PRR12: variants seen among roughly 807,000 people sequenced by gnomAD.
PRR12 encodes the protein proline-rich protein 12.
A neutral mutation model predicts 138.0 loss-of-function variants in PRR12; 12 were observed. The ratio of observed to expected loss-of-function variants is 0.09; its 90% CI spans 0.06 to 0.14. The LOEUF is 0.14. Ranked by LOEUF, PRR12 falls within the 10% of genes least tolerant of loss-of-function variation. The probability of loss-of-function intolerance (pLI) is 1.00; values close to 1 mark genes in which losing one functional copy is unlikely to be tolerated. For synonymous variants in PRR12, 1,567 were observed against 1,291.7 expected (o/e 1.21, Z -4.57); for missense variants, 2,692 against 2,861.3 (o/e 0.94, Z 1.35).
rs189469394 is a variant in PRR12 at position 49,616,036 on chromosome 19, G to C, written c.5314G>C (p.Ala1772Pro). 3 of 1,556,426 alleles carry C rather than the reference G, an allele frequency of 1.9e-6. No homozygotes were observed. In the Admixed American group the frequency reaches 5.8e-5, roughly 30 times the overall value. The part of the protein sequence containing the change: ...GRQTRPERSL[A>P]TGQPATSRLP... ...GCAGACACGGCCAGAGCGGAGTCTC[G>C]CCACGGGACAACCTGCCACATCCCG... The change falls in exon 9 of 14, where the codon GCC becomes CCC. Residue 1772 changes from alanine (A) to proline (P), a missense_variant. Ala to Pro is a conservative substitution (Grantham distance 27, BLOSUM62 -1). Around this residue, in one of 11 missense-constraint regions of PRR12, gnomAD observed 259 missense variants for 265.1 expected, o/e 0.98. Coordinates refer to ENST00000418929, the MANE Select transcript of PRR12 (RefSeq NM_020719.3). The surrounding 1 kb of genome is among the most constrained non-coding windows in gnomAD (Gnocchi z 4.2).
intron 6 of PRR12, among the ~76,000 whole-genome samples, chr19:49,607,241 C>T (rs2080843211): frequency 6.6e-6 from 1 of 152,070 alleles, no homozygotes; most frequent in African/African-American, 2.4e-5. Context: ...GTAATCCCAG[C>T]AGTTTGGGAT....
intron 6 of PRR12, among the ~76,000 whole-genome samples, chr19:49,608,335 C>G (rs1277191240): frequency 1.3e-5 from 2 of 151,278 alleles, no homozygotes; most frequent in Non-Finnish European, 2.9e-5. Context: ...ACACAAAATT[C>G]TTTTTTTTTA....
chr19:49,597,558 A>G lies in PRR12; in HGVS notation c.3223A>G (p.Thr1075Ala). Residue 1075 changes from threonine to alanine, a missense_variant, in exon 4 of 14, where the codon ACA becomes GCA. Physicochemically the swap from Thr to Ala is moderately conservative, Grantham distance 58. This residue lies in a region of PRR12 where 840 missense variants were observed against 689.8 expected (regional missense o/e 1.22). Transcript: ENST00000418929. This position sits in a 1 kb window ranked among gnomAD's most constrained non-coding sequence, Gnocchi z 6.3. ...TACCAAGCCAAAGAAGCTGCTCAAG[A>G]CATCCTCCTTCCACCTGCTGCGGCG... ...CSTKPKKLLK[T>A]SSFHLLRRRD... The G allele has an allele frequency of 6.3e-7, 1 of 1,592,492 alleles. No individual in the cohort carries two copies. Among genetic ancestry groups the G allele is most frequent in the South Asian group, 1.1e-5 (1 of 87,244 alleles).
chr19:49,597,607 C>G lies in PRR12; in HGVS notation c.3272C>G (p.Pro1091Arg). ...CGCCGCGACCCACCCTTCCAGACCC[C>G]CAAGAAGCTGTACGCCCAGGAGTAC... ...LRRRDPPFQT[P>R]KKLYAQEYEF... Residue 1091 changes from proline to arginine, a missense_variant, in exon 4 of 14, where the codon CCC (proline) becomes CGC (arginine). Physicochemically the swap from Pro to Arg is moderately radical, Grantham distance 103. Coordinates refer to ENST00000418929, the MANE Select transcript of PRR12 (RefSeq NM_020719.3). This position sits in a 1 kb window ranked among gnomAD's most constrained non-coding sequence, Gnocchi z 6.3. The G allele has an allele frequency of 1.9e-6, 3 of 1,610,032 alleles. No individual in the cohort carries two copies. The highest frequency in any genetic ancestry group is 2.5e-6 in the Non-Finnish European group (3 of 1,178,898).
At chr19:49,604,319 A>G (rs2080827422) in intron 6 of PRR12, among the ~76,000 whole-genome samples, 3 of 151,556 alleles carry the variant, frequency 2.0e-5, no homozygotes, top group African/African-American at 7.3e-5. Flanking sequence ...CTAGGCAAAT[A>G]GCAAGACCTC....
At chr19:49,607,276 C>A (rs2080843385) in intron 6 of PRR12, among the ~76,000 whole-genome samples, 1 of 152,068 alleles carries the variant, frequency 6.6e-6, no homozygotes, top group South Asian at 2.1e-4. Context: ...ATCACTTGAG[C>A]CCGGATGTCG....
intron 6 of PRR12, among the ~76,000 whole-genome samples, chr19:49,612,281 A>G (rs537719097): frequency 1.3e-5 from 2 of 151,908 alleles, no homozygotes; most frequent in South Asian, 2.1e-4. Flanking sequence ...CAAGTCTCCA[A>G]TCAGCTGTGG....
In PRR12 at chr19:49,599,255, G is replaced by A. The variant is rs567180023; in HGVS notation, c.3679-17G>A. The A allele has an allele frequency of 1.7e-5, 27 of 1,548,724 alleles. No homozygotes were observed. Among genetic ancestry groups the A allele is most frequent in the South Asian group, 6.1e-5 (5 of 82,550 alleles). On this transcript the variant is annotated splice_polypyrimidine_tract_variant and intron_variant, in intron 4 of 13. Coordinates refer to ENST00000418929, the MANE Select transcript of PRR12 (RefSeq NM_020719.3). This position sits in a 1 kb window ranked among gnomAD's most constrained non-coding sequence, Gnocchi z 5.0. ...CCAGGCTACTGGGCCCTCACGGCCC[G>A]CCACTCCCATGTCTAGATCAAGCTG...
rs774844798 is a variant in PRR12, at chr19:49,597,551, G to A, written c.3216G>A (p.Leu1072=). ...PIFCSTKPKK[L]LKTSSFHLLR... is the part of the protein sequence containing the mutation. ...TCTGCTCTACCAAGCCAAAGAAGCT[G>A]CTCAAGACATCCTCCTTCCACCTGC... The change falls in exon 4 of 14, where the codon CTG becomes CTA. Residue 1072 remains leucine, a synonymous_variant. Transcript: ENST00000418929. The surrounding 1 kb of genome is among the most constrained non-coding windows in gnomAD (Gnocchi z 6.3). 1.9e-6 allele frequency: 3 copies of A among 1,586,812 alleles called. No homozygotes were observed. The highest frequency in any genetic ancestry group is 2.6e-6 in the Non-Finnish European group (3 of 1,168,826).
At position 49,596,716 on chromosome 19, in the gene PRR12, T is replaced by C. The variant is rs779370431; in HGVS notation, c.2381T>C (p.Leu794Pro). Residue 794 changes from leucine to proline, a missense_variant, in exon 4 of 14, where the codon CTG becomes CCG. Leu to Pro is a moderately conservative substitution (Grantham distance 98, BLOSUM62 -3). Transcript: ENST00000418929. The surrounding 1 kb of genome is among the most constrained non-coding windows in gnomAD (Gnocchi z 5.6). ...GGGGGCCCTGACCTCCCACTGGTGCTGCCTCCGCCTCCCCCCCAGCTGCTC... is the reference window on the plus strand; with the variant it reads ...GGGGGCCCTGACCTCCCACTGGTGCCGCCTCCGCCTCCCCCCCAGCTGCTC... Reference protein sequence around the residue: ...EAGGPDLPLVLPPPPPQLLPS... With the variant: ...EAGGPDLPLVPPPPPPQLLPS... The C allele has an allele frequency of 1.9e-6, 3 of 1,605,582 alleles. No homozygotes were observed. The highest frequency in any genetic ancestry group is 2.5e-6 in the Non-Finnish European group (3 of 1,178,976).
intron 6 of PRR12, among the ~76,000 whole-genome samples, chr19:49,612,935 A>G (rs2080874078): frequency 6.6e-6 from 1 of 151,946 alleles, no homozygotes; most frequent in Non-Finnish European, 1.5e-5. Context: ...TGTTGGGATT[A>G]AAGGTGTGAG....
At chr19:49,600,338 C>G (rs1275283914) in intron 5 of PRR12, among the ~76,000 whole-genome samples, 2 of 146,784 alleles carry the variant, frequency 1.4e-5, no homozygotes, top group African/African-American at 2.5e-5. Flanking sequence ...TGGGGGTGGG[C>G]GGTGGAAGGG....
rs566765721 is a variant in PRR12, at chr19:49,605,292, C to T, written c.4773+3374C>T. Among the ~76,000 whole-genome samples, 14 of 152,114 alleles carry T rather than the reference C, an allele frequency of 9.2e-5. No homozygotes were observed. The East Asian group carries it at 2.7e-3, about 29-fold the overall frequency. ...TTTTTGTTTGTTTGAGATAGTGTTT[C>T]GCTCTTGTTGCCCAGGCTGGAGTAC... On this transcript the variant is annotated intron_variant, in intron 6 of 13. Coordinates refer to ENST00000418929, the MANE Select transcript of PRR12 (RefSeq NM_020719.3).
Position 49,595,922 on chromosome 19 carries a change from C to T in PRR12, c.1587C>T (p.Pro529=), listed in dbSNP as rs1386083093. Residue 529 remains proline (P), a synonymous_variant, in exon 4 of 14, where the codon CCC becomes CCT. Coordinates refer to ENST00000418929, the MANE Select transcript of PRR12 (RefSeq NM_020719.3). Reference sequence around the variant, plus strand: ...CCCAGGGGCTGCCCACAGCCAGCCCCTCGCTCAGCTACAGTACCGGCCATT... The same window carrying T: ...CCCAGGGGCTGCCCACAGCCAGCCCTTCGCTCAGCTACAGTACCGGCCATT... ...AHSQGLPTAS[P]SLSYSTGHSP... 1 of 1,602,028 alleles carries T rather than the reference C, an allele frequency of 6.2e-7. No individual in the cohort carries two copies. Among genetic ancestry groups the T allele is most frequent in the Non-Finnish European group, 8.5e-7 (1 of 1,179,652 alleles).
intron 8 of PRR12, among the ~76,000 whole-genome samples, 187 bp downstream of exon 8, chr19:49,615,196 A>G (rs1199159827): frequency 6.7e-6 from 1 of 149,902 alleles, no homozygotes; most frequent in African/African-American, 2.5e-5. Context: ...GGGGATAGAG[A>G]CCCAGAGACA....
chr19:49,597,596 C>T lies in PRR12; in HGVS notation c.3261C>T (p.Pro1087=). Residue 1087 remains proline, a synonymous_variant, in exon 4 of 14, where the codon CCC becomes CCT. Transcript: ENST00000418929. This position sits in a 1 kb window ranked among gnomAD's most constrained non-coding sequence, Gnocchi z 6.3. ...SFHLLRRRDP[P]FQTPKKLYAQ... ...ACCTGCTGCGGCGCCGCGACCCACC[C>T]TTCCAGACCCCCAAGAAGCTGTACG... 2.5e-6 allele frequency: 4 copies of T among 1,609,378 alleles called. No individual in the cohort carries two copies. The highest frequency in any genetic ancestry group is 3.4e-6 in the Non-Finnish European group (4 of 1,178,694).
intron 5 of PRR12, among the ~76,000 whole-genome samples, chr19:49,600,406 G>T (rs1412916760): frequency 6.6e-6 from 1 of 151,698 alleles, no homozygotes; most frequent in African/African-American, 2.4e-5. Context: ...ACAGTTTAAG[G>T]AGTGTAATGT....
chr19:49,614,823 C>T lies in PRR12; in HGVS notation c.4891-53C>T. 3.7e-6 allele frequency: 6 copies of T among 1,612,244 alleles called. No individual in the cohort carries two copies. In the South Asian group the frequency reaches 6.6e-5, roughly 18 times the overall value. On this transcript the variant is annotated intron_variant, in intron 7 of 13. Coordinates refer to ENST00000418929, the MANE Select transcript of PRR12 (RefSeq NM_020719.3). This position sits in a 1 kb window ranked among gnomAD's most constrained non-coding sequence, Gnocchi z 5.0. ...TGGCCCAGGGCACGGGGGTGTTGGC[C>T]ATCTGGCTGGGCAGTGTGAAGAATT... is the stretch of plus-strand genomic sequence containing the variant.
Position 49,597,737 on chromosome 19 carries a change from C to G in PRR12, c.3402C>G (p.Leu1134=). ...LVSSCRSRPA[L]SPLGDIDFCP... ...CCAGCTGCCGCTCCCGTCCGGCCCT[C>G]TCGCCACTGGGGGACATCGACTTCT... The change falls in exon 4 of 14, where the codon CTC becomes CTG. Residue 1134 remains leucine (L), a synonymous_variant. Coordinates refer to ENST00000418929, the MANE Select transcript of PRR12 (RefSeq NM_020719.3). This position sits in a 1 kb window ranked among gnomAD's most constrained non-coding sequence, Gnocchi z 6.3. 1 of 1,608,312 alleles carries G rather than the reference C, an allele frequency of 6.2e-7. No individual in the cohort carries two copies. Among genetic ancestry groups the G allele is most frequent in the Admixed American group, 1.7e-5 (1 of 59,604 alleles).
Sources: gnomAD v4.1 joint callset for allele counts (sites outside exome capture counted in the v4.1 genomes callset) on GRCh38, gnomAD v4.1.1 for gene constraint, gnomAD v4.1.1 regional missense constraint, Gnocchi (gnomAD v3.1) non-coding constraint, MANE v1.5 for transcripts, NCBI Gene and HGNC (gene_info 2026-07-23, HGNC 2026-07-21) for gene names.